SPTLC3: variants seen among roughly 807,000 people sequenced by gnomAD.
SPTLC3 encodes the protein serine palmitoyltransferase 3.
In SPTLC3, 36 loss-of-function variants were observed where a neutral mutation model predicts 59.3. That is an observed-to-expected ratio of 0.61 (90% CI 0.47 to 0.80). SPTLC3 has a LOEUF of 0.80. Among genes scored for constraint, SPTLC3 ranks in the 30% least tolerant of loss-of-function variants. SPTLC3 has a pLI of 0.00. For missense variants in SPTLC3, 625 were observed against 685.1 expected, an observed-to-expected ratio of 0.91 and a Z score of 0.98; for synonymous variants, 257 against 240.8, an observed-to-expected ratio of 1.07 and a Z score of -0.62.
At chr20:13,120,490 T>G (rs1235035584) in intron 8 of SPTLC3, among the ~76,000 whole-genome samples, 1 of 152,158 alleles carries the variant, frequency 6.6e-6, no homozygotes, top group Non-Finnish European at 1.5e-5. Context: ...TCCAAAAATC[T>G]AGAAAAAAGA....
At chr20:13,050,711 A>AT (rs1374618627) in intron 2 of SPTLC3, 3 of 152,222 alleles carry the variant, frequency 2.0e-5, no homozygotes, top group Non-Finnish European at 2.9e-5. Flanking sequence ...AATCTATCAG[A>AT]TTAACAGCAG....
intron 11 of SPTLC3, among the ~76,000 whole-genome samples, 184 bp downstream of exon 11, chr20:13,160,316 T>C (rs1014757804): frequency 5.3e-5 from 8 of 152,250 alleles, no homozygotes; most frequent in Non-Finnish European, 8.8e-5. Flanking sequence ...GACCACTCAG[T>C]AGATAGAAAT....
chr20:13,096,230 A>C (rs1038423183), intron 6 of SPTLC3, among the ~76,000 whole-genome samples: 2 of 152,164 alleles, frequency 1.3e-5, no homozygotes, highest in African/African-American at 4.8e-5. Context: ...GGTTTTATAA[A>C]GCTAAACATA....
At chr20:13,145,828 TAA>T (rs1568626410) in intron 9 of SPTLC3, among the ~76,000 whole-genome samples, 1 of 152,100 alleles carries the variant, frequency 6.6e-6, no homozygotes, top group African/African-American at 2.4e-5. Context: ...TGCTCAGAAA[TAA>T]GACTGCATAT....
chr20:13,023,197 C>G (rs139830917), intron 1 of SPTLC3, among the ~76,000 whole-genome samples: 11 of 151,332 alleles, frequency 7.3e-5, no homozygotes, highest in African/African-American at 2.2e-4. Flanking sequence ...TTGCAACCCA[C>G]CCCCCAACTT....
intron 9 of SPTLC3, among the ~76,000 whole-genome samples, chr20:13,141,718 G>A (rs1275215311): frequency 1.3e-5 from 2 of 152,228 alleles, no homozygotes; most frequent in Admixed American, 6.5e-5. Flanking sequence ...AGGGCATGGA[G>A]AGCTGCATTT....
chr20:13,011,646 C>T (rs1985256405), intron 1 of SPTLC3, among the ~76,000 whole-genome samples: 1 of 152,164 alleles, frequency 6.6e-6, no homozygotes, highest in South Asian at 2.1e-4. Flanking sequence ...GCCCCAGTCT[C>T]AAGGCTGGCA....
chr20:13,031,130 CT>C (rs1986422325), intron 1 of SPTLC3, among the ~76,000 whole-genome samples: 1 of 152,062 alleles, frequency 6.6e-6, no homozygotes, highest in Non-Finnish European at 1.5e-5. Context: ...TTCAATAAAA[CT>C]TTATTACAAA....
intron 11 of SPTLC3, among the ~76,000 whole-genome samples, chr20:13,161,114 A>G (rs2038887057): frequency 1.3e-5 from 2 of 152,238 alleles, no homozygotes; most frequent in Admixed American, 1.3e-4. Context: ...TCCATGAACA[A>G]ATATTACAAA....
chr20:13,032,130 T>C (rs1201736401), intron 1 of SPTLC3, among the ~76,000 whole-genome samples: 1 of 152,212 alleles, frequency 6.6e-6, no homozygotes, highest in Non-Finnish European at 1.5e-5. Context: ...CTCAGAGATA[T>C]AAAACCAATA....
chr20:13,055,692 G>A (rs1987692845), intron 2 of SPTLC3, among the ~76,000 whole-genome samples: 2 of 152,168 alleles, frequency 1.3e-5, no homozygotes, highest in Admixed American at 1.3e-4. Flanking sequence ...AAATACACAT[G>A]AAGAGTTGTT....
intron 10 of SPTLC3, among the ~76,000 whole-genome samples, chr20:13,156,840 G>A (rs1427203447): frequency 2.0e-5 from 3 of 152,184 alleles, no homozygotes; most frequent in Admixed American, 6.5e-5. Context: ...GAATCACCAC[G>A]GTTGCATGGC....
intron 1 of SPTLC3, among the ~76,000 whole-genome samples, chr20:13,019,795 AG>A (rs1985771999): frequency 6.6e-6 from 1 of 152,210 alleles, no homozygotes; most frequent in Non-Finnish European, 1.5e-5. Context: ...GACCTTCAAA[AG>A]TTTCCCAAGC....
intron 1 of SPTLC3, among the ~76,000 whole-genome samples, chr20:13,031,005 T>G (rs897151472): frequency 3.3e-5 from 5 of 152,182 alleles, no homozygotes; most frequent in African/African-American, 1.2e-4. Flanking sequence ...CTTTGATAGA[T>G]AGTAAATATT....
At chr20:13,144,194 G>T (rs1032812836) in intron 9 of SPTLC3, among the ~76,000 whole-genome samples, 1 of 152,160 alleles carries the variant, frequency 6.6e-6, no homozygotes, top group Non-Finnish European at 1.5e-5. Flanking sequence ...AAGATGTTAA[G>T]TTACCATCTC....
At chr20:13,151,214 A>G (rs1202296040) in intron 9 of SPTLC3, among the ~76,000 whole-genome samples, 2 of 151,816 alleles carry the variant, frequency 1.3e-5, no homozygotes, top group African/African-American at 2.4e-5. Flanking sequence ...TTCAATTTCT[A>G]CTCTTACTAC....
chr20:13,055,901 G>A (rs1047322286), intron 2 of SPTLC3, among the ~76,000 whole-genome samples: 1 of 152,052 alleles, frequency 6.6e-6, no homozygotes, highest in African/African-American at 2.4e-5. Context: ...AAGGAGTTCC[G>A]GAGATGAGAG....
chr20:13,122,830 C>G (rs1041758144), intron 8 of SPTLC3, among the ~76,000 whole-genome samples: 9 of 152,082 alleles, frequency 5.9e-5, no homozygotes, highest in Non-Finnish European at 1.2e-4. Flanking sequence ...CTACTGCCAC[C>G]CCTCCCCATA....
rs1014530975 is a variant in SPTLC3 at position 13,165,935 on chromosome 20, GTAAC to G, written c.*1074_*1077del. The G allele has an allele frequency of 1.3e-5, 2 of 152,204 alleles. No homozygotes were observed. The highest frequency in any genetic ancestry group is 2.9e-5 in the Non-Finnish European group (2 of 68,036). 9.4% of individuals were successfully genotyped at this position (152,204 alleles called of 1,614,324 possible). A position where few individuals can be genotyped will look rare whatever the true frequency, so the allele number is the denominator to read the frequency against. The stretch of plus-strand genomic sequence containing the variant: ...AGAAAGTGGGCTTGCACACTTTGAG[GTAAC>G]TAACTGTAATTTACTTGTGTTCTCT... On this transcript the variant is annotated 3_prime_UTR_variant, in exon 12 of 12. Transcript: ENST00000399002.
Sources: allele counts gnomAD v4.1 joint callset (sites outside exome capture counted in the v4.1 genomes callset), GRCh38; gene constraint gnomAD v4.1.1; transcripts MANE v1.5; gene names NCBI Gene and HGNC (gene_info 2026-07-23, HGNC 2026-07-21).